Variants in CLEC16A observed in about 807,000 individuals in gnomAD.
CLEC16A encodes protein CLEC16A.
A neutral mutation model predicts 109.5 loss-of-function variants in CLEC16A; 51 were observed. The observed-to-expected ratio is 0.47, with a 90% confidence interval of 0.37 to 0.59. The LOEUF (loss-of-function observed/expected upper bound fraction) is 0.59. CLEC16A is among the 20% of genes least tolerant of loss of function. The probability of loss-of-function intolerance (pLI) is 0.00; values close to 1 mark genes in which losing one functional copy is unlikely to be tolerated. For missense variants in CLEC16A, 1,339 were observed against 1,394.0 expected (o/e 0.96, Z 0.63); for synonymous variants, 673 against 564.2 (o/e 1.19, Z -2.73).
intron 22 of CLEC16A, among the ~76,000 whole-genome samples, chr16:11,136,549 A>G (rs529976879): frequency 2.0e-5 from 3 of 152,342 alleles, no homozygotes; most frequent in East Asian, 1.9e-4. Context: ...ACATTAATCA[A>G]TTAGCACGAA....
At chr16:11,154,620 C>G (rs1037506711) in intron 22 of CLEC16A, among the ~76,000 whole-genome samples, 1 of 152,298 alleles carries the variant, frequency 6.6e-6, no homozygotes, top group Non-Finnish European at 1.5e-5. Context: ...TGTCTAAAGA[C>G]ACTTACGAAA....
chr16:11,150,932 C>G (rs2054269595), intron 22 of CLEC16A, among the ~76,000 whole-genome samples: 2 of 152,174 alleles, frequency 1.3e-5, no homozygotes, highest in African/African-American at 4.8e-5. Flanking sequence ...GATGTTCTAC[C>G]TGTGTGAAAA....
At chr16:11,142,469 C>T (rs1350193303) in intron 22 of CLEC16A, among the ~76,000 whole-genome samples, 1 of 152,232 alleles carries the variant, frequency 6.6e-6, no homozygotes, top group Non-Finnish European at 1.5e-5. Flanking sequence ...GTGGCATTTG[C>T]CCGATAGGTG....
intron 13 of CLEC16A, among the ~76,000 whole-genome samples, chr16:11,030,119 T>C (rs2046652587): frequency 6.6e-6 from 1 of 152,258 alleles, no homozygotes; most frequent in African/African-American, 2.4e-5. Flanking sequence ...GTTTATTCAT[T>C]CATCTGTTAA....
At chr16:11,057,019 A>C (rs1419234352) in intron 18 of CLEC16A, 1 of 152,276 alleles carries the variant, frequency 6.6e-6, no homozygotes, top group African/African-American at 2.4e-5. Context: ...TTTTCAACTA[A>C]ACTATAATGA....
chr16:10,979,063 C>G (rs192224226), intron 8 of CLEC16A, among the ~76,000 whole-genome samples: 3 of 152,216 alleles, frequency 2.0e-5, no homozygotes, highest in Non-Finnish European at 4.4e-5. Context: ...ACTTAAGGAG[C>G]AAGTTCTCGT....
chr16:10,955,933 A>C (rs906308861), intron 1 of CLEC16A, among the ~76,000 whole-genome samples: 2 of 152,200 alleles, frequency 1.3e-5, no homozygotes, highest in Admixed American at 6.5e-5. Flanking sequence ...ACAACTTACA[A>C]AGGTGATTCT....
Position 10,954,063 on chromosome 16 carries a change from C to T in CLEC16A, c.81-3719C>T, listed in dbSNP as rs944657471. 2.6e-5 allele frequency among the ~76,000 whole-genome samples: 4 copies of T among 152,146 alleles called. No individual in the cohort carries two copies. The highest frequency in any genetic ancestry group is 2.0e-4 in the Admixed American group (3 of 15,268). On this transcript the variant is annotated intron_variant, in intron 1 of 23. Transcript: ENST00000409790. The surrounding 1 kb of genome is among the most constrained non-coding windows in gnomAD (Gnocchi z 4.2). ...GTCCATAAACATATATGAACAGGCA[C>T]CCGGTTTCACTACTGGAAGAAAGCC... is the stretch of plus-strand genomic sequence containing the variant.
At chr16:11,057,901 C>T (rs1225118564) in intron 18 of CLEC16A, among the ~76,000 whole-genome samples, 1 of 152,106 alleles carries the variant, frequency 6.6e-6, no homozygotes, top group East Asian at 1.9e-4. Flanking sequence ...AAAATAGGAA[C>T]CATGCAGAGT....
chr16:11,121,350 C>T (rs914808530), intron 20 of CLEC16A, among the ~76,000 whole-genome samples: 2 of 152,186 alleles, frequency 1.3e-5, no homozygotes, highest in African/African-American at 4.8e-5. Flanking sequence ...ATCACTCTTA[C>T]TTCTTTATGC....
chr16:11,101,850 T>C (rs972274340), intron 19 of CLEC16A, among the ~76,000 whole-genome samples: 2 of 152,004 alleles, frequency 1.3e-5, no homozygotes, highest in Non-Finnish European at 2.9e-5. Context: ...TTGCCCAAGT[T>C]GGAGTGCAGT....
At chr16:11,176,325 C>T (rs1444795686) in intron 23 of CLEC16A, among the ~76,000 whole-genome samples, 1 of 152,222 alleles carries the variant, frequency 6.6e-6, no homozygotes, top group Non-Finnish European at 1.5e-5. Context: ...TCACTTTTTC[C>T]ACTAGTGTTC....
chr16:11,056,821 A>G (rs1156470363), intron 18 of CLEC16A: 4 of 152,116 alleles, frequency 2.6e-5, no homozygotes, highest in East Asian at 3.9e-4. Context: ...TGCTCCTCCT[A>G]TCTTTGTCTG....
intron 22 of CLEC16A, among the ~76,000 whole-genome samples, chr16:11,165,658 A>G (rs1205695691): frequency 6.6e-6 from 1 of 152,154 alleles, no homozygotes; most frequent in Admixed American, 6.5e-5. Context: ...ATAGCTGTTC[A>G]AGTGTCTGGT....
intron 9 of CLEC16A, among the ~76,000 whole-genome samples, chr16:10,979,819 G>C (rs2043220816): frequency 6.6e-6 from 1 of 152,104 alleles, no homozygotes; most frequent in Admixed American, 6.5e-5. Flanking sequence ...ATTGTTAAAG[G>C]GCTTTATCGC....
rs1376283953 is a variant in CLEC16A, at chr16:10,972,928, A to G, written c.605-10A>G. 6.4e-7 allele frequency: 1 copy of G among 1,568,774 alleles called. No homozygotes were observed. Among genetic ancestry groups the G allele is most frequent in the South Asian group, 1.2e-5 (1 of 83,658 alleles). The stretch of plus-strand genomic sequence containing the variant: ...GCTTGACTTTTTTTTTCTTCTGTGA[A>G]TTTTCTCAGTGGATAACCAGGCCAT... On this transcript the variant is annotated splice_polypyrimidine_tract_variant and intron_variant, in intron 6 of 23. Coordinates refer to ENST00000409790, the MANE Select transcript of CLEC16A (RefSeq NM_015226.3).
chr16:10,976,848 T>C (rs113003394), intron 7 of CLEC16A, among the ~76,000 whole-genome samples: 26 of 152,350 alleles, frequency 1.7e-4, no homozygotes, highest in African/African-American at 5.8e-4. Flanking sequence ...GGCCTGCTTT[T>C]CTCTTTAGAA....
chr16:11,154,957 T>A (rs1349135640), intron 22 of CLEC16A, among the ~76,000 whole-genome samples: 1 of 151,528 alleles, frequency 6.6e-6, no homozygotes, highest in African/African-American at 2.4e-5. Flanking sequence ...AACCCACCAC[T>A]ACAAAAAACA....
At chr16:11,162,493 C>G (rs1303883921) in intron 22 of CLEC16A, among the ~76,000 whole-genome samples, 1 of 152,118 alleles carries the variant, frequency 6.6e-6, no homozygotes, top group Non-Finnish European at 1.5e-5. Context: ...CAGACAAGCA[C>G]AAAAAATAAC....
Sources: gnomAD v4.1 joint callset for allele counts (sites outside exome capture counted in the v4.1 genomes callset) on GRCh38, gnomAD v4.1.1 for gene constraint, Gnocchi (gnomAD v3.1) non-coding constraint, MANE v1.5 for transcripts, NCBI Gene and HGNC (gene_info 2026-07-23, HGNC 2026-07-21) for gene names.